Variants in CDH18 observed in about 807,000 individuals in gnomAD.
CDH18 encodes the protein cadherin 18, also known as cadherin-18.
A neutral mutation model predicts 67.9 loss-of-function variants in CDH18; 31 were observed. That is an observed-to-expected ratio of 0.46 (90% confidence interval 0.34 to 0.62). The LOEUF (loss-of-function observed/expected upper bound fraction) is 0.62. Among genes scored for constraint, CDH18 ranks in the 20% least tolerant of loss-of-function variants. The probability of loss-of-function intolerance (pLI) is 0.01; values close to 1 mark genes in which losing one functional copy is unlikely to be tolerated. For synonymous variants in CDH18, 362 were observed against 347.2 expected (o/e 1.04, Z -0.48); for missense variants, 890 against 975.5 (o/e 0.91, Z 1.17).
chr5:19,586,181 G>C (rs1744102470), intron 7 of CDH18, among the ~76,000 whole-genome samples: 1 of 151,846 alleles, frequency 6.6e-6, no homozygotes, highest in Admixed American at 6.6e-5. Flanking sequence ...CTTCTTAAAG[G>C]CATTTTATTT....
At chr5:19,768,825 T>C (rs1297585994) in intron 3 of CDH18, among the ~76,000 whole-genome samples, 1 of 151,884 alleles carries the variant, frequency 6.6e-6, no homozygotes, top group Admixed American at 6.6e-5. Flanking sequence ...AATAGAAGTA[T>C]AAAGACAATA....
At chr5:19,923,001 T>C (rs1006610717) in intron 2 of CDH18, among the ~76,000 whole-genome samples, 3 of 152,194 alleles carry the variant, frequency 2.0e-5, no homozygotes, top group South Asian at 2.1e-4. Context: ...CATCCTCTAA[T>C]GATAAAGTGA....
chr5:19,489,455 G>A lies in CDH18; in HGVS notation c.1631-5903C>T, dbSNP rs181822285. Among the ~76,000 whole-genome samples, 1,002 of 151,910 alleles carry A rather than the reference G, an allele frequency of 6.6e-3. 12 individuals are homozygous for A. The highest frequency in any genetic ancestry group is 0.029 in the South Asian group (139 of 4,808). ...GTAGAGACAGGGTTTCACCATGTTGGCCAGGCTGGTCTCAAACTCCTGACC... is the reference window on the plus strand; with the variant it reads ...GTAGAGACAGGGTTTCACCATGTTGACCAGGCTGGTCTCAAACTCCTGACC... On this transcript the variant is annotated intron_variant, in intron 11 of 12. Transcript: ENST00000382275.
At chr5:19,793,378 G>T (rs1448690068) in intron 3 of CDH18, among the ~76,000 whole-genome samples, 1 of 152,074 alleles carries the variant, frequency 6.6e-6, no homozygotes, top group Non-Finnish European at 1.5e-5. Flanking sequence ...TCTATTAAGA[G>T]GGTTTTAAGT....
chr5:19,580,064 G>A (rs1320774825), intron 7 of CDH18, among the ~76,000 whole-genome samples: 1 of 151,674 alleles, frequency 6.6e-6, no homozygotes, highest in East Asian at 1.9e-4. Context: ...TATTTACGGG[G>A]TATGGGATAA....
At chr5:20,326,210 A>G (rs1035000937) in intron 1 of CDH18, among the ~76,000 whole-genome samples, 1 of 152,204 alleles carries the variant, frequency 6.6e-6, no homozygotes, top group Non-Finnish European at 1.5e-5. Flanking sequence ...TCAGTATTAC[A>G]TGGGGTTTCT....
At chr5:20,284,226 T>C (rs962940187) in intron 1 of CDH18, among the ~76,000 whole-genome samples, 9 of 151,926 alleles carry the variant, frequency 5.9e-5, no homozygotes, top group African/African-American at 1.7e-4. Context: ...TTGTACATTT[T>C]TAAACAACTA....
intron 6 of CDH18, among the ~76,000 whole-genome samples, chr5:19,606,461 G>C (rs1039594701): frequency 1.3e-5 from 2 of 151,988 alleles, no homozygotes; most frequent in African/African-American, 4.8e-5. Flanking sequence ...AATTTCAACA[G>C]ATACCAATAA....
At chr5:19,901,554 G>T (rs1789940231) in intron 2 of CDH18, among the ~76,000 whole-genome samples, 1 of 151,966 alleles carries the variant, frequency 6.6e-6, no homozygotes. Flanking sequence ...ACTGAGTTGG[G>T]AACAAATAAG....
chr5:19,618,823 T>C (rs558388564), intron 5 of CDH18, among the ~76,000 whole-genome samples: 7 of 152,258 alleles, frequency 4.6e-5, no homozygotes, highest in South Asian at 2.1e-4. Context: ...TCATATTTCA[T>C]TGGAGGATCT....
At chr5:20,377,566 A>G (rs914630750) in intron 1 of CDH18, among the ~76,000 whole-genome samples, 1 of 152,218 alleles carries the variant, frequency 6.6e-6, no homozygotes, top group Non-Finnish European at 1.5e-5. Flanking sequence ...TCATCATTGA[A>G]ATATTTAATA....
chr5:20,000,190 G>T (rs1736335850), intron 2 of CDH18, among the ~76,000 whole-genome samples: 1 of 152,208 alleles, frequency 6.6e-6, no homozygotes, highest in South Asian at 2.1e-4. Flanking sequence ...TTGGCCTAGT[G>T]GGGATACTGT....
chr5:20,569,871 C>T (rs1758711963), intron 1 of CDH18, among the ~76,000 whole-genome samples: 1 of 152,020 alleles, frequency 6.6e-6, no homozygotes, highest in Non-Finnish European at 1.5e-5. Flanking sequence ...GCCCTCAAAC[C>T]ATAAAAAGAT....
At chr5:20,303,850 A>T (rs138575470) in intron 1 of CDH18, among the ~76,000 whole-genome samples, 3,376 of 152,330 alleles carry the variant, frequency 0.022, 109 homozygotes, top group African/African-American at 0.067. Flanking sequence ...CACTTTAGGC[A>T]GTTCTTAAGA....
intron 2 of CDH18, among the ~76,000 whole-genome samples, chr5:19,849,405 T>A (rs1783385862): frequency 6.6e-6 from 1 of 151,382 alleles, no homozygotes; most frequent in Non-Finnish European, 1.5e-5. Context: ...GTGAATGGGG[T>A]TCGGAAAGAT....
intron 4 of CDH18, among the ~76,000 whole-genome samples, chr5:19,738,322 A>T (rs1210942951): frequency 1.3e-5 from 2 of 152,088 alleles, no homozygotes; most frequent in African/African-American, 2.4e-5. Context: ...TATTTTCTTT[A>T]AAAAAGACAT....
intron 1 of CDH18, among the ~76,000 whole-genome samples, chr5:20,482,884 T>C (rs1283740316): frequency 6.6e-6 from 1 of 152,034 alleles, no homozygotes; most frequent in East Asian, 1.9e-4. Flanking sequence ...ATGCCCATTT[T>C]CACCACTGTT....
chr5:19,858,666 T>C (rs916623467), intron 2 of CDH18, among the ~76,000 whole-genome samples: 2 of 152,174 alleles, frequency 1.3e-5, no homozygotes, highest in Non-Finnish European at 2.9e-5. Flanking sequence ...GGTCCTGTTT[T>C]AAGTTATACT....
chr5:20,021,512 C>T (rs557514204), intron 2 of CDH18, among the ~76,000 whole-genome samples: 1 of 152,218 alleles, frequency 6.6e-6, no homozygotes, highest in African/African-American at 2.4e-5. Context: ...GGATTTCCCC[C>T]TTGCTGTTCT....
Sources: gnomAD v4.1 joint callset for allele counts (sites outside exome capture counted in the v4.1 genomes callset) on GRCh38, gnomAD v4.1.1 for gene constraint, MANE v1.5 for transcripts, NCBI Gene and HGNC (gene_info 2026-07-23, HGNC 2026-07-21) for gene names.